Variants in ABHD2 observed in about 807,000 individuals in gnomAD.
The protein encoded by ABHD2 is abhydrolase domain containing 2, acylglycerol lipase, also known as monoacylglycerol lipase ABHD2.
In ABHD2, 20 loss-of-function variants were observed where a neutral mutation model predicts 48.1. The observed-to-expected ratio is 0.42, with a 90% CI of 0.29 to 0.60. The LOEUF (loss-of-function observed/expected upper bound fraction) is 0.60. Among genes scored for constraint, ABHD2 ranks in the 20% least tolerant of loss-of-function variants. The pLI, the probability that ABHD2 is intolerant of heterozygous loss-of-function variation, is 0.24. For synonymous variants in ABHD2, 209 were observed against 214.2 expected (o/e 0.98, Z 0.21); for missense variants, 405 against 550.9 (o/e 0.74, Z 2.65).
chr15:89,055,028 C>G, the ABHD2 span, among the ~76,000 whole-genome samples: 1 of 152,002 alleles, frequency 6.6e-6, no homozygotes, highest in African/African-American at 2.4e-5. Context: ...GAGTCCAAGA[C>G]CAGCCTCGGC....
At chr15:89,060,769 C>A in the ABHD2 span, among the ~76,000 whole-genome samples, 1 of 152,126 alleles carries the variant, frequency 6.6e-6, no homozygotes, top group Non-Finnish European at 1.5e-5. Flanking sequence ...AAGTGTCCAT[C>A]ATCTCACTAC....
chr15:89,156,670 A>G (rs188212293), intron 5 of ABHD2, among the ~76,000 whole-genome samples: 1 of 151,870 alleles, frequency 6.6e-6, no homozygotes, highest in Non-Finnish European at 1.5e-5. Context: ...CCCGGGAGGC[A>G]GAGGTCATGC....
At chr15:89,157,870 G>A (rs2050700027) in intron 5 of ABHD2, among the ~76,000 whole-genome samples, 1 of 151,746 alleles carries the variant, frequency 6.6e-6, no homozygotes, top group African/African-American at 2.4e-5. Flanking sequence ...AAATAAATAG[G>A]TGAATGTCCA....
At chr15:89,086,645 G>A (rs971088838), upstream of ABHD2, among the ~76,000 whole-genome samples, 1 of 152,136 alleles carries the variant, frequency 6.6e-6, no homozygotes, top group African/African-American at 2.4e-5. Flanking sequence ...AGACTCCTGG[G>A]CTCCGCCTCA....
intron 3 of ABHD2, among the ~76,000 whole-genome samples, chr15:89,119,624 A>G (rs1470840567): frequency 1.3e-5 from 2 of 152,210 alleles, no homozygotes; most frequent in South Asian, 2.1e-4. Context: ...GTGTGACACC[A>G]GGTTGGCTGC....
chr15:89,068,419 G>C, the ABHD2 span, among the ~76,000 whole-genome samples: 1 of 152,286 alleles, frequency 6.6e-6, no homozygotes, highest in East Asian at 1.9e-4. Flanking sequence ...AGACTTGAAA[G>C]CTGAGAATGA....
intron 3 of ABHD2, chr15:89,135,553 T>C: frequency 6.9e-7 from 1 of 1,442,998 alleles, no homozygotes; most frequent in Non-Finnish European, 9.5e-7. Flanking sequence ...TTATTCATCA[T>C]CATCTTCATC....
At chr15:89,060,299 C>A in the ABHD2 span, among the ~76,000 whole-genome samples, 63 of 151,448 alleles carry the variant, frequency 4.2e-4, 1 homozygote, top group African/African-American at 1.4e-3. Flanking sequence ...CCATATTAGT[C>A]AGGCTGCTCG....
chr15:89,137,401 A>G lies in ABHD2; in HGVS notation c.195-14276A>G, dbSNP rs1372359483. ...CATTTATTTTTCCTTGGAGCAAAAA[A>G]GTAGTTTCTTTTTAAGTGGTTTTAT... On this transcript the variant is annotated intron_variant, in intron 3 of 10. Coordinates refer to ENST00000352732, the MANE Select transcript of ABHD2 (RefSeq NM_152924.5). The surrounding 1 kb of genome is among the most constrained non-coding windows in gnomAD (Gnocchi z 4.8). Among the ~76,000 whole-genome samples the G allele has an allele frequency of 6.6e-6, 1 of 152,178 alleles. No homozygotes were observed. Among genetic ancestry groups the G allele is most frequent in the African/African-American group, 2.4e-5 (1 of 41,424 alleles).
the ABHD2 span, among the ~76,000 whole-genome samples, chr15:89,041,969 G>A: frequency 3.9e-5 from 6 of 152,160 alleles, no homozygotes; most frequent in South Asian, 2.1e-4. Context: ...GAGGTCACCC[G>A]GGTGTTTGGT....
At chr15:89,079,661 C>T in the ABHD2 span, among the ~76,000 whole-genome samples, 1 of 152,164 alleles carries the variant, frequency 6.6e-6, no homozygotes, top group Non-Finnish European at 1.5e-5. This position sits in a 1 kb window ranked among gnomAD's most constrained non-coding sequence, Gnocchi z 4.3. Flanking sequence ...TATTTAAAGC[C>T]TTTGGAAATT....
chr15:89,070,946 T>C, the ABHD2 span, among the ~76,000 whole-genome samples: 1 of 151,990 alleles, frequency 6.6e-6, no homozygotes, highest in African/African-American at 2.4e-5. Context: ...TCTATTTTCC[T>C]CCTAATGAAG....
chr15:89,150,572 G>A (rs1007256084), intron 3 of ABHD2, among the ~76,000 whole-genome samples: 3 of 152,182 alleles, frequency 2.0e-5, no homozygotes, highest in Non-Finnish European at 4.4e-5. Context: ...GAACTGGTTT[G>A]CTTAAGGTGA....
At chr15:89,041,243 G>A in the ABHD2 span, 1 of 152,220 alleles carries the variant, frequency 6.6e-6, no homozygotes, top group African/African-American at 2.4e-5. Flanking sequence ...ATGCCATGTG[G>A]AACAGAGATG....
chr15:89,059,144 C>T, the ABHD2 span, among the ~76,000 whole-genome samples: 4 of 152,184 alleles, frequency 2.6e-5, no homozygotes, highest in African/African-American at 9.6e-5. Context: ...CATCTCCCAT[C>T]ATGCCCTCTT....
In ABHD2 at chr15:89,197,492, A is replaced by C. The variant is rs1440126542; in HGVS notation, c.*2069A>C. Reference sequence around the variant, plus strand: ...CTGCTACTACTACCTTCATTTATCAAGACTTTTTATGAGAATAGGTAAACC... The same window carrying C: ...CTGCTACTACTACCTTCATTTATCACGACTTTTTATGAGAATAGGTAAACC... On this transcript the variant is annotated 3_prime_UTR_variant, in exon 11 of 11. Transcript: ENST00000352732. This position sits in a 1 kb window ranked among gnomAD's most constrained non-coding sequence, Gnocchi z 4.4. The C allele has an allele frequency of 6.6e-6, 1 of 152,500 alleles. No homozygotes were observed. The highest frequency in any genetic ancestry group is 1.5e-5 in the Non-Finnish European group (1 of 68,058). The allele number at this position is 152,500 out of a possible 1,614,324, so 9.4% of individuals were successfully genotyped here.
At position 89,176,049 on chromosome 15, in the gene ABHD2, A is replaced by G. The variant is rs1397410667; in HGVS notation, c.722+54A>G. The stretch of plus-strand genomic sequence containing the variant: ...CTTCAGTTAGCCCTTATTTATAGAG[A>G]TGCCCCGACGCACAACACACTGTTC... On this transcript the variant is annotated intron_variant, in intron 6 of 10. Transcript: ENST00000352732. The surrounding 1 kb of genome is among the most constrained non-coding windows in gnomAD (Gnocchi z 4.5). 3 of 1,506,886 alleles carry G rather than the reference A, an allele frequency of 2.0e-6. No individual in the cohort carries two copies. The African/African-American group carries it at 4.2e-5, about 21-fold the overall frequency. 93.3% of individuals were successfully genotyped at this position (1,506,886 alleles called of 1,614,324 possible).
chr15:89,048,765 T>C, the ABHD2 span, among the ~76,000 whole-genome samples: 6 of 152,228 alleles, frequency 3.9e-5, no homozygotes, highest in East Asian at 1.2e-3. Flanking sequence ...CTTTAAGCAC[T>C]TCTCTGTATT....
intron 1 of ABHD2, among the ~76,000 whole-genome samples, chr15:89,108,696 G>A (rs540425906): frequency 9.2e-5 from 14 of 152,236 alleles, no homozygotes; most frequent in African/African-American, 3.1e-4. Flanking sequence ...CCATGCAGGT[G>A]GAATGAATAT....
Sources: gnomAD v4.1 joint callset for allele counts (sites outside exome capture counted in the v4.1 genomes callset) on GRCh38, gnomAD v4.1.1 for gene constraint, Gnocchi (gnomAD v3.1) non-coding constraint, MANE v1.5 for transcripts, NCBI Gene and HGNC (gene_info 2026-07-23, HGNC 2026-07-21) for gene names.